Variants in LRRTM3 observed in about 807,000 individuals in gnomAD.
The protein encoded by LRRTM3 is leucine rich repeat transmembrane neuronal 3.
In LRRTM3, 24 loss-of-function variants were observed where a neutral mutation model predicts 44.7. That is an observed-to-expected ratio of 0.54 (90% confidence interval 0.39 to 0.76). The LOEUF is 0.76. Among genes scored for constraint, LRRTM3 ranks in the 30% least tolerant of loss-of-function variants. LRRTM3 has a pLI of 0.00. For synonymous variants in LRRTM3, 277 were observed against 278.7 expected (o/e 0.99, Z 0.06); for missense variants, 587 against 702.2 (o/e 0.84, Z 1.85).
chr10:67,033,123 T>C lies in LRRTM3; in HGVS notation c.1537-64464T>C, dbSNP rs76223830. ...AAAGAACTATTTTAACAAAAATAAA[T>C]TGAAGGAAACCGACTGATTTTAATT... On this transcript the variant is annotated intron_variant, in intron 2 of 2. Transcript: ENST00000361320. 0.01 allele frequency among the ~76,000 whole-genome samples: 1,543 copies of C among 152,302 alleles called. 62 individuals are homozygous for C. In the East Asian group the frequency reaches 0.14, roughly 14 times the overall value.
At chr10:66,952,470 C>T (rs577989494) in intron 2 of LRRTM3, among the ~76,000 whole-genome samples, 83 of 152,186 alleles carry the variant, frequency 5.5e-4, no homozygotes, top group African/African-American at 1.8e-3. Flanking sequence ...TCAGGGTATG[C>T]CGTCTTGTTT....
intron 2 of LRRTM3, among the ~76,000 whole-genome samples, chr10:66,982,068 T>C (rs1430681681): frequency 2.0e-5 from 3 of 152,152 alleles, no homozygotes; most frequent in Non-Finnish European, 4.4e-5. Context: ...ACACATAACA[T>C]TAGATAGATG....
intron 2 of LRRTM3, among the ~76,000 whole-genome samples, chr10:67,041,967 G>T (rs952816853): frequency 1.9e-4 from 29 of 152,192 alleles, no homozygotes; most frequent in South Asian, 4.2e-4. Flanking sequence ...AGGACACATT[G>T]GGCATATATA....
chr10:67,073,919 A>G (rs1856595281), intron 2 of LRRTM3, among the ~76,000 whole-genome samples: 1 of 152,358 alleles, frequency 6.6e-6, no homozygotes, highest in African/African-American at 2.4e-5. Context: ...CTTTTGACCA[A>G]TAACAAAATG....
intron 2 of LRRTM3, among the ~76,000 whole-genome samples, chr10:67,032,901 T>C (rs1209837961): frequency 6.6e-6 from 1 of 152,198 alleles, no homozygotes; most frequent in Non-Finnish European, 1.5e-5. Context: ...TACTGCATAA[T>C]GACATTTTCT....
chr10:67,029,627 G>C (rs1466973495), intron 2 of LRRTM3, among the ~76,000 whole-genome samples: 2 of 152,142 alleles, frequency 1.3e-5, no homozygotes, highest in South Asian at 2.1e-4. Context: ...GTTTGGGATG[G>C]CTTTTTCTCA....
intron 2 of LRRTM3, among the ~76,000 whole-genome samples, chr10:67,039,681 T>A (rs974722247): frequency 6.6e-6 from 1 of 152,140 alleles, no homozygotes; most frequent in Non-Finnish European, 1.5e-5. Flanking sequence ...ACCAGCATTA[T>A]GTAAACAGTT....
intron 2 of LRRTM3, among the ~76,000 whole-genome samples, chr10:67,006,419 T>C (rs1194280400): frequency 6.6e-6 from 1 of 152,206 alleles, no homozygotes; most frequent in Non-Finnish European, 1.5e-5. Context: ...TTCTGTGCTA[T>C]GTATATACTA....
intron 2 of LRRTM3, among the ~76,000 whole-genome samples, chr10:66,977,929 CA>C (rs748381012): frequency 1.3e-5 from 2 of 151,822 alleles, no homozygotes; most frequent in Non-Finnish European, 2.9e-5. Flanking sequence ...CTTATGGAAC[CA>C]AAACATATTT....
At chr10:67,000,071 TC>T (rs1279964740) in intron 2 of LRRTM3, among the ~76,000 whole-genome samples, 13 of 152,308 alleles carry the variant, frequency 8.5e-5, no homozygotes, top group African/African-American at 3.1e-4. Context: ...ATGGAAATGA[TC>T]ATGATAGCAT....
chr10:66,996,509 G>T (rs992742513), intron 2 of LRRTM3, among the ~76,000 whole-genome samples: 4 of 151,890 alleles, frequency 2.6e-5, no homozygotes, highest in Admixed American at 6.6e-5. Context: ...CTAGCCGGGC[G>T]TGGTGGCGCG....
intron 2 of LRRTM3, among the ~76,000 whole-genome samples, chr10:67,027,652 G>T (rs2133097652): frequency 6.6e-6 from 1 of 152,022 alleles, no homozygotes; most frequent in Non-Finnish European, 1.5e-5. Context: ...GGCCAGGATG[G>T]TCTCAATCTC....
At chr10:67,091,102 A>C (rs1375015583) in intron 2 of LRRTM3, among the ~76,000 whole-genome samples, 3 of 152,008 alleles carry the variant, frequency 2.0e-5, no homozygotes, top group Non-Finnish European at 2.9e-5. Flanking sequence ...ACCAGCCTGT[A>C]TATAAAGGTC....
intron 2 of LRRTM3, among the ~76,000 whole-genome samples, chr10:66,968,700 C>A (rs1046927468): frequency 6.6e-6 from 1 of 152,014 alleles, no homozygotes; most frequent in Non-Finnish European, 1.5e-5. Flanking sequence ...CTTAAAGTTA[C>A]ATTTTTAATA....
At chr10:66,978,952 C>A (rs191565026) in intron 2 of LRRTM3, among the ~76,000 whole-genome samples, 3 of 141,098 alleles carry the variant, frequency 2.1e-5, no homozygotes, top group Admixed American at 7.4e-5. Context: ...TCCTCACATA[C>A]TTATTTCCTT....
rs1185466910 is a variant in LRRTM3 at position 67,098,895 on chromosome 10, A to G, written c.*1099A>G. On this transcript the variant is annotated 3_prime_UTR_variant, in exon 3 of 3. Transcript: ENST00000361320. Reference sequence around the variant, plus strand: ...TTCTTAAGACAACTTTTTATTTAGAACTGTGAGACCGGTATTTTGGAAACA... The same window carrying G: ...TTCTTAAGACAACTTTTTATTTAGAGCTGTGAGACCGGTATTTTGGAAACA... 6.6e-6 allele frequency: 1 copy of G among 151,844 alleles called. No individual in the cohort carries two copies. Among genetic ancestry groups the G allele is most frequent in the Non-Finnish European group, 1.5e-5 (1 of 67,854 alleles). The allele number at this position is 151,844 out of a possible 1,614,324, so 9.4% of individuals were successfully genotyped here. A position where few individuals can be genotyped will look rare whatever the true frequency, so the allele number is the denominator to read the frequency against.
intron 2 of LRRTM3, among the ~76,000 whole-genome samples, chr10:66,998,241 A>T (rs956844298): frequency 2.0e-5 from 3 of 152,196 alleles, no homozygotes; most frequent in Non-Finnish European, 4.4e-5. Flanking sequence ...TTCTTTTTCT[A>T]TAAGCAGAAA....
intron 2 of LRRTM3, among the ~76,000 whole-genome samples, chr10:66,989,882 G>A (rs371474138): frequency 7.2e-5 from 11 of 152,034 alleles, no homozygotes; most frequent in East Asian, 1.9e-4. Context: ...ATTATTTAGC[G>A]GCAATAGGAC....
intron 2 of LRRTM3, among the ~76,000 whole-genome samples, chr10:66,957,442 G>A (rs1215182878): frequency 9.4e-6 from 1 of 106,306 alleles, no homozygotes; most frequent in Admixed American, 1.1e-4. Flanking sequence ...ATATATATAT[G>A]CATATATATA....
Sources: gnomAD v4.1 joint callset for allele counts (sites outside exome capture counted in the v4.1 genomes callset) on GRCh38, gnomAD v4.1.1 for gene constraint, MANE v1.5 for transcripts, NCBI Gene and HGNC (gene_info 2026-07-23, HGNC 2026-07-21) for gene names.